SERPING1: variants seen among roughly 807,000 people sequenced by gnomAD.
The protein encoded by SERPING1 is serpin family G member 1, also known as plasma protease C1 inhibitor.
Under a neutral mutation model 34.1 loss-of-function variants are expected in SERPING1, and 5 were observed. That is an observed-to-expected ratio of 0.15 (90% CI 0.08 to 0.31). The LOEUF (loss-of-function observed/expected upper bound fraction) is 0.31. Ranked by LOEUF, SERPING1 falls within the 10% of genes least tolerant of loss-of-function variation. SERPING1 has a pLI of 1.00. For synonymous variants in SERPING1, 225 were observed against 242.4 expected (o/e 0.93, Z 0.67); for missense variants, 505 against 609.5 (o/e 0.83, Z 1.81).
intron 1 of SERPING1, chr11:57,598,039 G>T (rs1486408206): frequency 2.8e-5 from 16 of 568,494 alleles, no homozygotes; most frequent in Middle Eastern, 4.8e-4. Context: ...ACGGGGAGAG[G>T]AAGGGCCAGC....
chr11:57,600,767 A>G (rs939029066), intron 3 of SERPING1, among the ~76,000 whole-genome samples: 2 of 152,138 alleles, frequency 1.3e-5, no homozygotes, highest in African/African-American at 4.8e-5. Flanking sequence ...CCTGGCCAAC[A>G]TGGTGAAACC....
In SERPING1 at chr11:57,597,970, C is replaced by G. The variant is rs1945306010; in HGVS notation, c.-23+248C>G. On this transcript the variant is annotated intron_variant, in intron 1 of 7. Transcript: ENST00000278407. ...GCCTCATTGTTTGGTTAAAGCAGGACCCCCTCCCCCTCCCACCACCTCCCC... is the reference window on the plus strand; with the variant it reads ...GCCTCATTGTTTGGTTAAAGCAGGAGCCCCTCCCCCTCCCACCACCTCCCC... 1.0e-5 allele frequency: 5 copies of G among 476,242 alleles called. No individual in the cohort carries two copies. The East Asian group carries it at 1.8e-4, about 17-fold the overall frequency. 29.5% of individuals were successfully genotyped at this position (476,242 alleles called of 1,614,324 possible).
intron 6 of SERPING1, among the ~76,000 whole-genome samples, chr11:57,609,199 A>G (rs1236353588): frequency 6.6e-6 from 1 of 152,026 alleles, no homozygotes; most frequent in Non-Finnish European, 1.5e-5. Flanking sequence ...AATCACTTGA[A>G]CCTGGGAGGC....
At position 57,606,506 on chromosome 11, in the gene SERPING1, T is replaced by C. The variant is rs532337986; in HGVS notation, c.988T>C (p.Tyr330His). Reference sequence around the variant, plus strand: ...AGTGCCCATGATGAATAGCAAGAAGTACCCTGTGGCCCATTTCATTGACCA... The same window carrying C: ...AGTGCCCATGATGAATAGCAAGAAGCACCCTGTGGCCCATTTCATTGACCA... ...IKVPMMNSKK[Y>H]PVAHFIDQTL... The change falls in exon 6 of 8, where the codon TAC becomes CAC. Residue 330 changes from tyrosine (Y) to histidine (H), a missense_variant. By Grantham distance (83) the Tyr-to-His change is moderately conservative. Coordinates refer to ENST00000278407, the MANE Select transcript of SERPING1 (RefSeq NM_000062.3). 6.2e-7 allele frequency: 1 copy of C among 1,614,038 alleles called. No homozygotes were observed. Among genetic ancestry groups the C allele is most frequent in the African/African-American group, 1.3e-5 (1 of 74,908 alleles).
At chr11:57,599,456 A>G (rs1439815813) in intron 2 of SERPING1, among the ~76,000 whole-genome samples, 1 of 152,098 alleles carries the variant, frequency 6.6e-6, no homozygotes, top group Non-Finnish European at 1.5e-5. Flanking sequence ...CAGTTTAAAA[A>G]TTTACTGTTC....
chr11:57,600,407 C>T (rs769230566), intron 3 of SERPING1, 30 bp downstream of exon 3: 13 of 1,611,146 alleles, frequency 8.1e-6, no homozygotes, highest in Admixed American at 1.7e-5. Flanking sequence ...CTCTCCAGGT[C>T]ATTTGTTGGA....
chr11:57,604,023 G>T (rs954321111), intron 4 of SERPING1, among the ~76,000 whole-genome samples: 4 of 151,296 alleles, frequency 2.6e-5, no homozygotes, highest in Non-Finnish European at 4.4e-5. Flanking sequence ...GGTGGCACGC[G>T]CCTGTAGTCC....
At chr11:57,605,430 C>T (rs1258118353) in intron 4 of SERPING1, among the ~76,000 whole-genome samples, 1 of 152,042 alleles carries the variant, frequency 6.6e-6, no homozygotes, top group Non-Finnish European at 1.5e-5. Context: ...TCCCGAATAG[C>T]TGGGATTACA....
At chr11:57,600,420 C>A in intron 3 of SERPING1, 43 bp downstream of exon 3, 1 of 1,608,188 alleles carries the variant, frequency 6.2e-7, no homozygotes, top group Non-Finnish European at 8.5e-7. Flanking sequence ...TTGTTGGACA[C>A]TCCCATAAGA....
intron 4 of SERPING1, among the ~76,000 whole-genome samples, chr11:57,604,847 A>G: frequency 6.6e-6 from 1 of 151,990 alleles, no homozygotes. Flanking sequence ...TCTACAAAAA[A>G]TTTTAAAAAT....
At chr11:57,603,812 C>T (rs1349086590) in intron 4 of SERPING1, among the ~76,000 whole-genome samples, 4 of 145,356 alleles carry the variant, frequency 2.8e-5, no homozygotes, top group Non-Finnish European at 6.0e-5. Flanking sequence ...GCACTCCAGC[C>T]TGGGCAACAG....
At position 57,614,654 on chromosome 11, in the gene SERPING1, T is replaced by C. The variant is rs1031469944; in HGVS notation, c.*73T>C. On this transcript the variant is annotated 3_prime_UTR_variant, in exon 8 of 8. Transcript: ENST00000278407. ...TCTCAGTTGCAGCCCTGCTGCTGCC[T>C]GCCTGGACTTGGCCCCTGCCACCTC... 9.7e-6 allele frequency: 15 copies of C among 1,549,476 alleles called. No homozygotes were observed. The African/African-American group carries it at 1.6e-4, about 17-fold the overall frequency.
chr11:57,610,794 A>G (rs1025917326), intron 6 of SERPING1, among the ~76,000 whole-genome samples: 2 of 152,218 alleles, frequency 1.3e-5, no homozygotes, highest in Admixed American at 1.3e-4. Context: ...CCTGCCAGCT[A>G]TGACAACCAA....
intron 7 of SERPING1, 22 bp from the exon 8 acceptor site, chr11:57,614,306 T>A (rs1945511897): frequency 6.2e-7 from 1 of 1,612,158 alleles, no homozygotes; most frequent in African/African-American, 1.3e-5. Flanking sequence ...TCTGACTCTG[T>A]TTTTCTCTGG....
At chr11:57,604,924 C>T (rs748802106) in intron 4 of SERPING1, among the ~76,000 whole-genome samples, 2 of 151,570 alleles carry the variant, frequency 1.3e-5, no homozygotes, top group Non-Finnish European at 2.9e-5. Flanking sequence ...TTGCTTGAGC[C>T]AAGGAATTCG....
intron 4 of SERPING1, among the ~76,000 whole-genome samples, chr11:57,604,880 G>A (rs1416535066): frequency 6.6e-6 from 1 of 151,878 alleles, no homozygotes; most frequent in African/African-American, 2.4e-5. Flanking sequence ...GTACGTGTCT[G>A]TAGTTCCAGC....
At chr11:57,605,543 TTTAA>T (rs892901195) in intron 4 of SERPING1, 3 of 191,958 alleles carry the variant, frequency 1.6e-5, no homozygotes, top group Non-Finnish European at 3.2e-5. Flanking sequence ...GGAAAATATC[TTTAA>T]TCTACTTAGT....
In SERPING1 at chr11:57,614,573, A is replaced by C. The variant is rs778719957; in HGVS notation, c.1495A>C (p.Arg499=). 4.3e-6 allele frequency: 7 copies of C among 1,613,562 alleles called. No individual in the cohort carries two copies. The highest frequency in any genetic ancestry group is 5.9e-6 in the Non-Finnish European group (7 of 1,180,000). Reference sequence around the variant, plus strand: ...CTTCATGGGGCGAGTATATGACCCCAGGGCCTGAGACCTGCAGGATCAGGT... The same window carrying C: ...CTTCATGGGGCGAGTATATGACCCCCGGGCCTGAGACCTGCAGGATCAGGT... ...PVFMGRVYDP[R]A The change falls in exon 8 of 8, where the codon AGG becomes CGG. Residue 499 remains arginine (R), a synonymous_variant. Coordinates refer to ENST00000278407, the MANE Select transcript of SERPING1 (RefSeq NM_000062.3).
chr11:57,597,939 C>T (rs1945305742), intron 1 of SERPING1: 2 of 377,756 alleles, frequency 5.3e-6, no homozygotes, highest in African/African-American at 2.1e-5. Context: ...CTCCCCCACG[C>T]CTCTGGCCTC....
Sources: allele counts gnomAD v4.1 joint callset (sites outside exome capture counted in the v4.1 genomes callset), GRCh38; gene constraint gnomAD v4.1.1; transcripts MANE v1.5; gene names NCBI Gene and HGNC (gene_info 2026-07-23, HGNC 2026-07-21).